Variants in ROBO2 observed in about 807,000 individuals in gnomAD.
ROBO2 encodes the protein roundabout guidance receptor 2, also known as roundabout homolog 2.
A neutral mutation model predicts 160.8 loss-of-function variants in ROBO2; 53 were observed. That is an observed-to-expected ratio of 0.33 (90% CI 0.26 to 0.41). The LOEUF is 0.41. Among genes scored for constraint, ROBO2 ranks in the 10% least tolerant of loss-of-function variants. The probability of loss-of-function intolerance (pLI) is 1.00; values close to 1 mark genes in which losing one functional copy is unlikely to be tolerated. For synonymous variants in ROBO2, 664 were observed against 611.7 expected (o/e 1.09, Z -1.26); for missense variants, 1,577 against 1,722.4 (o/e 0.92, Z 1.49).
At chr3:77,092,590 AATAATATATATT>A (rs2070449317) in intron 1 of ROBO2, among the ~76,000 whole-genome samples, 1 of 137,174 alleles carries the variant, frequency 7.3e-6, no homozygotes, top group Non-Finnish European at 1.5e-5. Context: ...ATTTTAATTA[AATAATATATATT>A]TTAATATATA....
chr3:77,070,226 G>A (rs572495195), intron 1 of ROBO2, among the ~76,000 whole-genome samples: 4 of 152,120 alleles, frequency 2.6e-5, no homozygotes, highest in Non-Finnish European at 4.4e-5. Context: ...GTAGCCTCCA[G>A]AAGTGTGAAA....
intron 2 of ROBO2, among the ~76,000 whole-genome samples, chr3:76,656,589 T>A (rs549957390): frequency 1.3e-5 from 2 of 152,172 alleles, no homozygotes; most frequent in South Asian, 4.1e-4. Context: ...AGCTGTCTAC[T>A]TTATGGGCAC....
chr3:76,481,689 A>G (rs11915977), intron 2 of ROBO2, among the ~76,000 whole-genome samples: 15,281 of 152,084 alleles, frequency 0.1, 842 homozygotes, highest in Middle Eastern at 0.15. Flanking sequence ...CTGTGAGTGA[A>G]TCCCAGAAAT....
chr3:76,651,559 TG>T (rs2091259652), intron 2 of ROBO2, among the ~76,000 whole-genome samples: 1 of 151,944 alleles, frequency 6.6e-6, no homozygotes, highest in Non-Finnish European at 1.5e-5. Context: ...TCAATGTATA[TG>T]TAAAGAGTGG....
chr3:76,275,880 A>T (rs1249385321), intron 2 of ROBO2, among the ~76,000 whole-genome samples: 1 of 152,128 alleles, frequency 6.6e-6, no homozygotes, highest in Non-Finnish European at 1.5e-5. Flanking sequence ...ATAATGTCAA[A>T]AGCAATGTGC....
At chr3:75,912,374 A>G (rs1248506503) in intron 1 of ROBO2, among the ~76,000 whole-genome samples, 1 of 152,200 alleles carries the variant, frequency 6.6e-6, no homozygotes, top group Admixed American at 6.5e-5. Context: ...ATTAACATAA[A>G]TATAATGGAG....
intron 2 of ROBO2, among the ~76,000 whole-genome samples, chr3:76,043,620 C>CAAAAAAAAAAA (rs56988287): frequency 2.6e-5 from 1 of 38,448 alleles, no homozygotes; most frequent in Admixed American, 4.0e-4. Context: ...CTTCATCGTC[C>CAAAAAAAAAAA]AAAAAAAAAA....
chr3:76,744,908 T>TC (rs1231884572), intron 2 of ROBO2, among the ~76,000 whole-genome samples: 1 of 152,200 alleles, frequency 6.6e-6, no homozygotes. Flanking sequence ...TGCTATTTTT[T>TC]CCCCTGAAAG....
At chr3:76,374,781 G>C (rs2076263152) in intron 2 of ROBO2, among the ~76,000 whole-genome samples, 1 of 151,954 alleles carries the variant, frequency 6.6e-6, no homozygotes, top group South Asian at 2.1e-4. Flanking sequence ...GCTGCAAGTG[G>C]TTTATTTTAG....
intron 13 of ROBO2, 78 bp downstream of exon 14, chr3:77,568,512 A>G (rs1301136790): frequency 3.9e-6 from 6 of 1,537,694 alleles, no homozygotes; most frequent in Non-Finnish European, 5.4e-6. Flanking sequence ...AAATGAACAA[A>G]GAGTGATAAT....
chr3:77,385,661 A>G lies in ROBO2; in HGVS notation c.389-91753A>G, dbSNP rs114076979. On this transcript the variant is annotated intron_variant, in intron 2 of 25. Transcript: ENST00000461745. ...TGGAAAACTTAGCTTGAATTATACA[A>G]GTTTTTCATTCTGTGAGGTCTTTGG... 6.9e-3 allele frequency among the ~76,000 whole-genome samples: 1,050 copies of G among 152,280 alleles called. 16 individuals carry two copies. Among genetic ancestry groups the G allele is most frequent in the African/African-American group, 0.024 (1,017 of 41,552 alleles).
chr3:76,411,853 A>G (rs17014110), intron 2 of ROBO2, among the ~76,000 whole-genome samples: 4,099 of 152,322 alleles, frequency 0.027, 177 homozygotes, highest in African/African-American at 0.093. Context: ...TTATAGGGTT[A>G]TCAAGGCCAT....
chr3:75,958,609 A>G (rs1948799749), intron 2 of ROBO2, among the ~76,000 whole-genome samples: 1 of 151,768 alleles, frequency 6.6e-6, no homozygotes, highest in Non-Finnish European at 1.5e-5. Context: ...TTTGGAGTCA[A>G]GAATGAAGTT....
intron 2 of ROBO2, among the ~76,000 whole-genome samples, chr3:76,294,339 G>A (rs570566181): frequency 2.0e-5 from 3 of 152,180 alleles, no homozygotes; most frequent in South Asian, 2.1e-4. Context: ...TCTCAGCTCC[G>A]GCTCAGTGGA....
intron 2 of ROBO2, among the ~76,000 whole-genome samples, chr3:76,591,190 C>A (rs1478672623): frequency 6.6e-6 from 1 of 151,854 alleles, no homozygotes; most frequent in African/African-American, 2.4e-5. Context: ...TGGATTATTA[C>A]AAAAAGGTAA....
At chr3:76,534,112 AG>A (rs1396154080) in intron 2 of ROBO2, among the ~76,000 whole-genome samples, 1 of 152,046 alleles carries the variant, frequency 6.6e-6, no homozygotes, top group Non-Finnish European at 1.5e-5. Flanking sequence ...CCTTCTGGGG[AG>A]TTTTTTTTGG....
At chr3:76,404,094 C>T (rs1243095865) in intron 2 of ROBO2, among the ~76,000 whole-genome samples, 1 of 151,576 alleles carries the variant, frequency 6.6e-6, no homozygotes, top group Non-Finnish European at 1.5e-5. Flanking sequence ...GATACTTCCA[C>T]ATATGCAATG....
intron 2 of ROBO2, among the ~76,000 whole-genome samples, chr3:76,219,008 G>T (rs146653077): frequency 6.6e-6 from 1 of 152,068 alleles, no homozygotes; most frequent in Non-Finnish European, 1.5e-5. Flanking sequence ...AAGTAATGCC[G>T]CATATCTACA....
At chr3:77,014,477 C>T (rs1230526705) in intron 2 of ROBO2, among the ~76,000 whole-genome samples, 5 of 152,146 alleles carry the variant, frequency 3.3e-5, no homozygotes, top group South Asian at 2.1e-4. Flanking sequence ...GACTCCAAAG[C>T]GAGCTGCAGC....
Sources: allele counts gnomAD v4.1 joint callset (sites outside exome capture counted in the v4.1 genomes callset), GRCh38; gene constraint gnomAD v4.1.1; transcripts MANE v1.5; gene names NCBI Gene and HGNC (gene_info 2026-07-23, HGNC 2026-07-21).